The following PARD3B variants were observed in gnomAD, a reference collection of about 807,000 sequenced individuals.
PARD3B encodes partitioning defective 3 homolog B.
Under a neutral mutation model 130.2 loss-of-function variants are expected in PARD3B, and 103 were observed. That is an observed-to-expected ratio of 0.79 (90% confidence interval 0.67 to 0.93). The LOEUF is 0.93. Ranked by LOEUF, PARD3B falls within the 40% of genes least tolerant of loss-of-function variation. The probability of loss-of-function intolerance (pLI) is 0.00; values close to 1 mark genes in which losing one functional copy is unlikely to be tolerated. For synonymous variants in PARD3B, 583 were observed against 553.2 expected, an observed-to-expected ratio of 1.05 and a Z score of -0.76; for missense variants, 1,609 against 1,499.2, an observed-to-expected ratio of 1.07 and a Z score of -1.21.
chr2:205,321,801 T>C lies in PARD3B; in HGVS notation c.2630+20100T>C, dbSNP rs2042761840. 6.6e-6 allele frequency among the ~76,000 whole-genome samples: 1 copy of C among 152,230 alleles called. No homozygotes were observed. The highest frequency in any genetic ancestry group is 1.5e-5 in the Non-Finnish European group (1 of 68,036). ...TCTAAAAACATAAATTAAGTCAGTGTTGACTCCTGGTAAATGAGTACAGAT... is the reference window on the plus strand; with the variant it reads ...TCTAAAAACATAAATTAAGTCAGTGCTGACTCCTGGTAAATGAGTACAGAT... On this transcript the variant is annotated intron_variant, in intron 18 of 22. Transcript: ENST00000406610. This position sits in a 1 kb window ranked among gnomAD's most constrained non-coding sequence, Gnocchi z 4.2.
rs372926003 is a variant in PARD3B at position 204,840,602 on chromosome 2, G to A, written c.223-124550G>A. Reference sequence around the variant, plus strand: ...TCCATAGAACTGGAACAACTTGCACGATGTTGACTACAGTAAGATAACAAA... The same window carrying A: ...TCCATAGAACTGGAACAACTTGCACAATGTTGACTACAGTAAGATAACAAA... On this transcript the variant is annotated intron_variant, in intron 2 of 22. Transcript: ENST00000406610. 2.6e-4 allele frequency among the ~76,000 whole-genome samples: 40 copies of A among 151,830 alleles called. No individual in the cohort carries two copies. The East Asian group carries it at 6.6e-3, about 25-fold the overall frequency.
intron 1 of PARD3B, among the ~76,000 whole-genome samples, chr2:204,573,725 T>C (rs913992570): frequency 6.6e-5 from 10 of 152,198 alleles, no homozygotes; most frequent in Admixed American, 1.3e-4. Context: ...TACACATCAC[T>C]GTTTGTCCTT....
chr2:205,342,705 A>G (rs1456921970), intron 18 of PARD3B, among the ~76,000 whole-genome samples: 2 of 152,124 alleles, frequency 1.3e-5, no homozygotes, highest in South Asian at 2.1e-4. Context: ...ATGTTTTAGT[A>G]TTTAATATTA....
chr2:204,807,135 G>T (rs1481418540), intron 2 of PARD3B, among the ~76,000 whole-genome samples: 1 of 152,116 alleles, frequency 6.6e-6, no homozygotes. Context: ...TCGCTCTCAT[G>T]AGAACAGCAT....
chr2:205,101,387 G>A (rs1702779203), intron 4 of PARD3B, among the ~76,000 whole-genome samples: 1 of 152,192 alleles, frequency 6.6e-6, no homozygotes, highest in Non-Finnish European at 1.5e-5. Flanking sequence ...ATGAAAATAA[G>A]TTGTGGCAAG....
At chr2:205,373,023 G>A (rs890483657) in intron 18 of PARD3B, among the ~76,000 whole-genome samples, 25 of 152,082 alleles carry the variant, frequency 1.6e-4, no homozygotes, top group Non-Finnish European at 2.6e-4. Context: ...TATTTCCTCT[G>A]CTTCAAAAAC....
intron 20 of PARD3B, among the ~76,000 whole-genome samples, chr2:205,442,862 C>T (rs1429349394): frequency 6.6e-6 from 1 of 152,126 alleles, no homozygotes; most frequent in Admixed American, 6.5e-5. Flanking sequence ...ATTGACTGCC[C>T]AGTCCAGACA....
chr2:205,399,789 T>A (rs2046181743), intron 18 of PARD3B, among the ~76,000 whole-genome samples: 1 of 152,220 alleles, frequency 6.6e-6, no homozygotes, highest in African/African-American at 2.4e-5. Context: ...TCAGGAATGC[T>A]CAGAACATAC....
intron 18 of PARD3B, among the ~76,000 whole-genome samples, chr2:205,327,402 T>G (rs961375440): frequency 1.3e-5 from 2 of 152,236 alleles, no homozygotes; most frequent in African/African-American, 4.8e-5. Flanking sequence ...CCTTATATTA[T>G]TAGTGTTTAC....
At chr2:204,762,207 T>G (rs1574918431) in intron 2 of PARD3B, among the ~76,000 whole-genome samples, 2 of 146,320 alleles carry the variant, frequency 1.4e-5, no homozygotes, top group Admixed American at 1.4e-4. Context: ...CTGCAACCTC[T>G]GCCTCCCAGG....
In PARD3B at chr2:205,070,799, C is replaced by T. The variant is rs766717214; in HGVS notation, c.504+23109C>T. On this transcript the variant is annotated intron_variant, in intron 4 of 22. Transcript: ENST00000406610. Reference sequence around the variant, plus strand: ...CATTTGTGAACTAACTTTGTCACTACGTCCAGTTACTGTCAATATTTTTAT... The same window carrying T: ...CATTTGTGAACTAACTTTGTCACTATGTCCAGTTACTGTCAATATTTTTAT... Among the ~76,000 whole-genome samples the T allele has an allele frequency of 2.6e-5, 4 of 152,236 alleles. No homozygotes were observed. In the East Asian group the frequency reaches 5.8e-4, roughly 22 times the overall value.
intron 2 of PARD3B, among the ~76,000 whole-genome samples, chr2:204,924,692 C>T (rs556370842): frequency 6.6e-6 from 1 of 152,110 alleles, no homozygotes; most frequent in South Asian, 2.1e-4. Flanking sequence ...AACAAAAAGC[C>T]TCTCCCAGCT....
intron 14 of PARD3B, among the ~76,000 whole-genome samples, chr2:205,188,815 C>G (rs1227771154): frequency 3.4e-5 from 5 of 148,878 alleles, no homozygotes; most frequent in Non-Finnish European, 7.4e-5. Context: ...GAAAAGCCCT[C>G]TCAAAGGAAA....
chr2:204,931,367 A>C (rs979740774), intron 2 of PARD3B, among the ~76,000 whole-genome samples: 1 of 152,090 alleles, frequency 6.6e-6, no homozygotes. Flanking sequence ...AGTGCCTGGC[A>C]TATGAAAAGT....
chr2:204,872,494 T>C (rs2045668603), intron 2 of PARD3B, among the ~76,000 whole-genome samples: 1 of 152,126 alleles, frequency 6.6e-6, no homozygotes, highest in South Asian at 2.1e-4. Context: ...TTTTTGTGTT[T>C]GTTTAGTTTT....
intron 4 of PARD3B, among the ~76,000 whole-genome samples, chr2:205,052,272 A>G (rs965416169): frequency 1.3e-5 from 2 of 151,702 alleles, no homozygotes; most frequent in Non-Finnish European, 2.9e-5. Context: ...GGGCGAGAAA[A>G]TTAAAAACTG....
At chr2:204,590,152 A>G (rs1242213458) in intron 1 of PARD3B, among the ~76,000 whole-genome samples, 1 of 152,142 alleles carries the variant, frequency 6.6e-6, no homozygotes, top group South Asian at 2.1e-4. Context: ...GGGTCTGGTG[A>G]GGGCTTGCTT....
intron 2 of PARD3B, among the ~76,000 whole-genome samples, chr2:204,912,008 T>G (rs2047256977): frequency 7.0e-6 from 1 of 142,680 alleles, no homozygotes. Context: ...AACAAACATG[T>G]TATTAGCTGT....
At chr2:204,594,719 C>T (rs774022296) in intron 1 of PARD3B, among the ~76,000 whole-genome samples, 56 of 152,058 alleles carry the variant, frequency 3.7e-4, no homozygotes, top group Non-Finnish European at 7.4e-4. Context: ...CACTTCATAC[C>T]TCTATTGGTG....
Sources: allele counts gnomAD v4.1 joint callset (sites outside exome capture counted in the v4.1 genomes callset), GRCh38; gene constraint gnomAD v4.1.1; non-coding constraint Gnocchi (gnomAD v3.1); transcripts MANE v1.5; gene names NCBI Gene and HGNC (gene_info 2026-07-23, HGNC 2026-07-21).